Variants in MYO1A observed in about 807,000 individuals in gnomAD.
MYO1A encodes unconventional myosin-Ia.
MYO1A carries 127 observed loss-of-function variants against 138.5 expected under a neutral mutation model. The ratio of observed to expected loss-of-function variants is 0.92; its 90% confidence interval spans 0.79 to 1.06. MYO1A has a LOEUF of 1.06. Among genes scored for constraint, MYO1A ranks in the 50% least tolerant of loss-of-function variants. The probability of loss-of-function intolerance (pLI) is 0.00; values close to 1 mark genes in which losing one functional copy is unlikely to be tolerated. For missense variants in MYO1A, 1,211 were observed against 1,288.8 expected, an observed-to-expected ratio of 0.94 and a Z score of 0.92; for synonymous variants, 477 against 497.5, an observed-to-expected ratio of 0.96 and a Z score of 0.55.
rs758588672 is a variant in MYO1A at position 57,048,117 on chromosome 12, A to G, written c.115-13T>C. 9.9e-6 allele frequency: 16 copies of G among 1,611,512 alleles called. No individual in the cohort carries two copies. The highest frequency in any genetic ancestry group is 2.2e-5 in the East Asian group (1 of 44,868). Reference sequence around the variant, plus strand: ...TCCCAATGTAGGTCTGGAGCCAGGAAGAAGGTGAAGGGAATGAGCTTGAGG... The same window carrying G: ...TCCCAATGTAGGTCTGGAGCCAGGAGGAAGGTGAAGGGAATGAGCTTGAGG... On this transcript the variant is annotated splice_polypyrimidine_tract_variant and intron_variant, in intron 2 of 27. Transcript: ENST00000300119.
intron 21 of MYO1A, 125 bp from the exon 22 acceptor site, chr12:57,036,506 G>A: frequency 9.1e-7 from 1 of 1,098,830 alleles, no homozygotes; most frequent in Admixed American, 1.8e-5. Flanking sequence ...CTGGAAGTTG[G>A]AAGTAAAATC....
chr12:57,047,441 C>G (rs372111721), intron 4 of MYO1A, 34 bp from the exon 5 acceptor site: 1 of 1,593,020 alleles, frequency 6.3e-7, no homozygotes, highest in East Asian at 2.2e-5. Flanking sequence ...GGGTCCCCAC[C>G]CAGGACTAGC....
chr12:57,039,494 G>GT, intron 14 of MYO1A: 2 of 568,426 alleles, frequency 3.5e-6, no homozygotes, highest in Non-Finnish European at 6.4e-6. Flanking sequence ...TGGAGCAGCT[G>GT]TGAGAGAGGG....
chr12:57,044,547 C>T (rs1347724661), intron 8 of MYO1A, among the ~76,000 whole-genome samples: 2 of 152,124 alleles, frequency 1.3e-5, no homozygotes, highest in Admixed American at 6.5e-5. Context: ...TGCCACCACG[C>T]CTGGCTAATT....
chr12:57,039,240 T>C lies in MYO1A; in HGVS notation c.1304A>G (p.Asn435Ser), dbSNP rs763212917. The C allele has an allele frequency of 3.7e-6, 6 of 1,614,082 alleles. No individual in the cohort carries two copies. Among genetic ancestry groups the C allele is most frequent in the Non-Finnish European group, 2.5e-6 (3 of 1,179,982 alleles). Reference protein sequence around the residue: ...IPWTKVDYFDNGIICKLIEHN... With the variant: ...IPWTKVDYFDSGIICKLIEHN... Reference sequence around the variant, plus strand: ...CTCAATGAGCTTACAAATGATGCCATTATCAAAGTAGTCCACCTTTGTCCA... The same window carrying C: ...CTCAATGAGCTTACAAATGATGCCACTATCAAAGTAGTCCACCTTTGTCCA... Residue 435 changes from asparagine (N) to serine (S), a missense_variant, in exon 15 of 28, where the codon AAT becomes AGT. By Grantham distance (46) the Asn-to-Ser change is conservative (BLOSUM62 1). Transcript: ENST00000300119.
rs746028588 is a variant in MYO1A at position 57,030,323 on chromosome 12, G to A, written c.2485-7C>T. Reference sequence around the variant, plus strand: ...GATCCCGGAACCTCTTGCACTGTGAGGAAGGAGGGACAGGAGCTAAAATCA... The same window carrying A: ...GATCCCGGAACCTCTTGCACTGTGAAGAAGGAGGGACAGGAGCTAAAATCA... On this transcript the variant is annotated splice_region_variant and splice_polypyrimidine_tract_variant and intron_variant, in intron 23 of 27. Transcript: ENST00000300119. 5.6e-6 allele frequency: 9 copies of A among 1,612,528 alleles called. No individual in the cohort carries two copies. The Middle Eastern group carries it at 4.9e-4, about 88-fold the overall frequency.
chr12:57,040,611 A>T (rs1484930460), intron 14 of MYO1A, among the ~76,000 whole-genome samples: 3 of 152,224 alleles, frequency 2.0e-5, no homozygotes, highest in Admixed American at 1.3e-4. Flanking sequence ...TTCTGTTATA[A>T]CCTATTCCTG....
At chr12:57,042,556 C>T (rs901594020) in intron 12 of MYO1A, among the ~76,000 whole-genome samples, 2 of 152,170 alleles carry the variant, frequency 1.3e-5, no homozygotes, top group Non-Finnish European at 2.9e-5. Context: ...TTATCTGATC[C>T]TTATTAAACC....
chr12:57,030,337 G>A, intron 23 of MYO1A, 21 bp from the exon 24 acceptor site: 1 of 1,539,348 alleles, frequency 6.5e-7, no homozygotes, highest in Non-Finnish European at 9.0e-7. Flanking sequence ...GGAGGGACAG[G>A]AGCTAAAATC....
intron 17 of MYO1A, 86 bp downstream of exon 17, chr12:57,038,326 C>A (rs2030672118): frequency 4.2e-6 from 6 of 1,437,058 alleles, no homozygotes; most frequent in African/African-American, 1.4e-5. Flanking sequence ...TCCAGAAGCA[C>A]CCCCACATGG....
chr12:57,043,028 T>A, intron 12 of MYO1A, 44 bp downstream of exon 12: 2 of 1,598,784 alleles, frequency 1.3e-6, no homozygotes, highest in Non-Finnish European at 1.7e-6. Context: ...GGCAGGAAGG[T>A]GAGGCAGACA....
At chr12:57,033,296 T>C (rs1271876312) in intron 22 of MYO1A, among the ~76,000 whole-genome samples, 1 of 152,214 alleles carries the variant, frequency 6.6e-6, no homozygotes, top group African/African-American at 2.4e-5. Context: ...TCAAGCTTCA[T>C]CCATGGCAAC....
chr12:57,037,914 CG>C lies in MYO1A; in HGVS notation c.1915del (p.Arg639AspfsTer3). The C allele has an allele frequency of 1.9e-6, 3 of 1,614,150 alleles. No homozygotes were observed. The highest frequency in any genetic ancestry group is 2.5e-6 in the Non-Finnish European group (3 of 1,180,036). On this transcript the variant is annotated frameshift_variant, in exon 18 of 28. Transcript: ENST00000300119. LOFTEE classifies it high-confidence loss of function. ...QGYGPFLERY[R>X]LLSRSTWPHW... ...AGGCCAGGTGCTCCGGCTCAGCAAT[CG>C]GTACCTTTCCAGGAAGGGCCCATAA...
chr12:57,043,213 C>A (rs923489009), intron 11 of MYO1A, 27 bp downstream of exon 11: 1 of 1,613,418 alleles, frequency 6.2e-7, no homozygotes, highest in Non-Finnish European at 8.5e-7. Flanking sequence ...GTCGAAACAG[C>A]CCCCTCCACT....
intron 2 of MYO1A, 52 bp downstream of exon 2, chr12:57,048,158 G>A (rs2031199652): frequency 1.1e-5 from 18 of 1,598,806 alleles, no homozygotes; most frequent in Non-Finnish European, 1.4e-5. Flanking sequence ...GTGGGAGCCT[G>A]TGACCTCTCC....
intron 26 of MYO1A, 21 bp downstream of exon 26, chr12:57,029,414 T>G: frequency 6.2e-7 from 1 of 1,613,890 alleles, no homozygotes; most frequent in Non-Finnish European, 8.5e-7. Context: ...GTCCAAGGCT[T>G]GCCCCACCCA....
rs377634550 is a variant in MYO1A at position 57,031,016 on chromosome 12, G to A, written c.2484+24C>T. 9 of 1,612,316 alleles carry A rather than the reference G, an allele frequency of 5.6e-6. No homozygotes were observed. In the South Asian group the frequency reaches 8.8e-5, roughly 16 times the overall value. The stretch of plus-strand genomic sequence containing the variant: ...AGGGAAAAAAAAGACGAAATGAGAG[G>A]AGGGGTGCCTGGGCTCCACTTGCCT... On this transcript the variant is annotated intron_variant, in intron 23 of 27. Coordinates refer to ENST00000300119, the MANE Select transcript of MYO1A (RefSeq NM_005379.4).
Position 57,037,553 on chromosome 12 carries a change from T to C in MYO1A, c.2050A>G (p.Lys684Glu). 1 of 1,613,948 alleles carries C rather than the reference T, an allele frequency of 6.2e-7. No individual in the cohort carries two copies. Among genetic ancestry groups the C allele is most frequent in the Non-Finnish European group, 8.5e-7 (1 of 1,179,898 alleles). The stretch of plus-strand genomic sequence containing the variant: ...TAATGCACTCTCTAACTCACAGTCT[T>C]GGGGCTTCTAATGAAGATCTTTGTC... Reference protein sequence around the residue: ...GKTKIFIRSPKTLFYLEEQRR... With the variant: ...GKTKIFIRSPETLFYLEEQRR... The change falls in exon 19 of 28, where the codon AAG (lysine) becomes GAG (glutamate). Residue 684 changes from lysine to glutamate, a missense_variant. Transcript: ENST00000300119.
chr12:57,028,539 T>TTTA lies in MYO1A; in HGVS notation c.*213_*215dup. The TTTA allele has an allele frequency of 5.2e-6, 3 of 573,100 alleles. No individual in the cohort carries two copies. Among genetic ancestry groups the TTTA allele is most frequent in the Non-Finnish European group, 3.0e-6 (1 of 329,802 alleles). 35.5% of individuals were successfully genotyped at this position (573,100 alleles called of 1,614,324 possible). A position where few individuals can be genotyped will look rare whatever the true frequency, so the allele number is the denominator to read the frequency against. On this transcript the variant is annotated 3_prime_UTR_variant, in exon 28 of 28. Coordinates refer to ENST00000300119, the MANE Select transcript of MYO1A (RefSeq NM_005379.4). ...GACTGAACCTTTCCAAGCCACATGT[T>TTTA]TTATTAGTGTGCAGAGAGGCTGCGG...
Sources: gnomAD v4.1 joint callset for allele counts (sites outside exome capture counted in the v4.1 genomes callset) on GRCh38, gnomAD v4.1.1 for gene constraint, MANE v1.5 for transcripts, NCBI Gene and HGNC (gene_info 2026-07-23, HGNC 2026-07-21) for gene names.